ACKR2: variants seen among roughly 807,000 people sequenced by gnomAD.
ACKR2 encodes C-C chemokine receptor D6.
For synonymous variants in ACKR2, 207 were observed against 192.2 expected (o/e 1.08, Z -0.64); for missense variants, 457 against 477.3 (o/e 0.96, Z 0.40).
In ACKR2 at chr3:42,852,375, C is replaced by T. The variant is rs1022274130; in HGVS notation, c.-37-12091C>T. On this transcript the variant is annotated intron_variant, in intron 2 of 2. Coordinates refer to ENST00000422265, the MANE Select transcript of ACKR2 (RefSeq NM_001296.5). This position sits in a 1 kb window ranked among gnomAD's most constrained non-coding sequence, Gnocchi z 4.3. ...TCTGGGAAAGACATGAAAGTCTCAC[C>T]TTCTGCAGCAGCAGCTCCTTGAAGG... 2 of 152,342 alleles carry T rather than the reference C, an allele frequency of 1.3e-5. No individual in the cohort carries two copies. Among genetic ancestry groups the T allele is most frequent in the African/African-American group, 4.8e-5 (2 of 41,582 alleles). 9.4% of individuals were successfully genotyped at this position (152,342 alleles called of 1,614,324 possible).
At chr3:42,856,181 A>G in intron 2 of ACKR2, 2 of 503,662 alleles carry the variant, frequency 4.0e-6, no homozygotes, top group South Asian at 3.3e-5. Context: ...GGCACTGGGT[A>G]AAGTTCCTAA....
At chr3:42,851,288 T>TA in intron 2 of ACKR2, 1 of 902,314 alleles carries the variant, frequency 1.1e-6, no homozygotes, top group Non-Finnish European at 1.3e-6. Context: ...GGATTTTTTT[T>TA]ATTCCAGTTG....
At chr3:42,848,597 C>A (rs1311474748) in intron 2 of ACKR2, among the ~76,000 whole-genome samples, 2 of 151,872 alleles carry the variant, frequency 1.3e-5, no homozygotes, top group African/African-American at 4.8e-5. Context: ...TAGAATATCA[C>A]CATTTGGAAA....
At chr3:42,860,164 CAAAAAAA>C (rs565028940) in intron 2 of ACKR2, among the ~76,000 whole-genome samples, 20 of 8,056 alleles carry the variant, frequency 2.5e-3, no homozygotes, top group East Asian at 8.4e-3. Context: ...AAATGGAAAG[CAAAAAAA>C]AAAAAAAAAA....
chr3:42,811,954 A>G (rs7634876), intron 1 of ACKR2, among the ~76,000 whole-genome samples: 80,301 of 151,930 alleles, frequency 0.53, 21,911 homozygotes, highest in African/African-American at 0.59. Context: ...TCTCCCCATT[A>G]TCACCCTGTT....
intron 2 of ACKR2, among the ~76,000 whole-genome samples, chr3:42,860,176 AAAAAAAAAAAAAAGCAGGGGATGC>A (rs1398707400): frequency 2.1e-5 from 3 of 141,176 alleles, no homozygotes; most frequent in Non-Finnish European, 4.6e-5. Flanking sequence ...AAAAAAAAAA[AAAAAAAAAAAAAAGCAGGGGATGC>A]AATCCTAGTC....
At chr3:42,830,038 T>C (rs1700915104) in intron 2 of ACKR2, among the ~76,000 whole-genome samples, 1 of 152,210 alleles carries the variant, frequency 6.6e-6, no homozygotes, top group Admixed American at 6.5e-5. Flanking sequence ...TAAACAAATA[T>C]TGGGACTTGT....
In ACKR2 at chr3:42,865,585, CA is replaced by C; in HGVS notation, c.1084del (p.Met362Ter). On this transcript the variant is annotated frameshift_variant, in exon 3 of 3. Transcript: ENST00000422265. LOFTEE classifies it low-confidence loss of function (END_TRUNC). Reference protein sequence around the residue: ...ILTAQEEMTGMNDLGERQSEN... With the variant: ...ILTAQEEMTGXNDLGERQSEN... ...TTACTGCCCAAGAGGAAATGACTGGCATGAATGACCTTGGAGAGAGGCAGTC... is the reference window on the plus strand; with the variant it reads ...TTACTGCCCAAGAGGAAATGACTGGCTGAATGACCTTGGAGAGAGGCAGTC... 6.2e-7 allele frequency: 1 copy of C among 1,614,148 alleles called. No homozygotes were observed. Among genetic ancestry groups the C allele is most frequent in the Non-Finnish European group, 8.5e-7 (1 of 1,180,016 alleles).
At position 42,864,985 on chromosome 3, in the gene ACKR2, C is replaced by T; in HGVS notation, c.483C>T (p.Ser161=). The T allele has an allele frequency of 1.2e-6, 2 of 1,614,180 alleles. No homozygotes were observed. The highest frequency in any genetic ancestry group is 1.7e-6 in the Non-Finnish European group (2 of 1,180,020). ...PYHRLRTRAK[S]LLLATIVWAV... ...ACAGGCTGAGGACCCGGGCCAAGAG[C>T]CTGCTCCTTGCTACCATAGTATGGG... The change falls in exon 3 of 3, where the codon AGC becomes AGT. Residue 161 remains serine, a synonymous_variant. Coordinates refer to ENST00000422265, the MANE Select transcript of ACKR2 (RefSeq NM_001296.5).
intron 2 of ACKR2, among the ~76,000 whole-genome samples, chr3:42,851,856 G>T (rs1183062372): frequency 2.0e-5 from 3 of 152,074 alleles, no homozygotes; most frequent in Non-Finnish European, 4.4e-5. Context: ...ACAGCTCTGT[G>T]GTCTCTTCTT....
intron 2 of ACKR2, among the ~76,000 whole-genome samples, chr3:42,860,518 A>T (rs1263406752): frequency 6.6e-6 from 1 of 152,172 alleles, no homozygotes; most frequent in Non-Finnish European, 1.5e-5. Flanking sequence ...ACATCTACAG[A>T]ACTCTCCACC....
intron 1 of ACKR2, among the ~76,000 whole-genome samples, chr3:42,819,260 A>C (rs1394236833): frequency 2.0e-5 from 3 of 152,206 alleles, no homozygotes; most frequent in Non-Finnish European, 4.4e-5. Flanking sequence ...TTAGAAACTC[A>C]TAATTTTATG....
chr3:42,844,930 C>T (rs1701077301), intron 2 of ACKR2, among the ~76,000 whole-genome samples: 1 of 152,154 alleles, frequency 6.6e-6, no homozygotes, highest in African/African-American at 2.4e-5. Context: ...ACATCAGCAT[C>T]CTGCCTCCCT....
intron 2 of ACKR2, among the ~76,000 whole-genome samples, chr3:42,829,597 G>C (rs113453403): frequency 6.6e-6 from 1 of 152,090 alleles, no homozygotes; most frequent in Non-Finnish European, 1.5e-5. Flanking sequence ...TCACTTTTCC[G>C]ATAGGGCCGT....
chr3:42,813,352 AG>A (rs1700714554), intron 1 of ACKR2, among the ~76,000 whole-genome samples: 1 of 152,218 alleles, frequency 6.6e-6, no homozygotes, highest in South Asian at 2.1e-4. Flanking sequence ...AATGCTAGAA[AG>A]AACTACCTGA....
At chr3:42,840,677 C>CT (rs1456724034) in intron 2 of ACKR2, among the ~76,000 whole-genome samples, 4 of 152,030 alleles carry the variant, frequency 2.6e-5, no homozygotes, top group South Asian at 2.1e-4. Context: ...GTGTCTTAAC[C>CT]TTTTTTTTGT....
At chr3:42,829,759 C>T (rs1244162095) in intron 2 of ACKR2, among the ~76,000 whole-genome samples, 7 of 152,096 alleles carry the variant, frequency 4.6e-5, no homozygotes, top group African/African-American at 7.2e-5. Context: ...TGCCATGTGA[C>T]GTAACTCTTT....
chr3:42,847,622 C>T (rs532601140), intron 2 of ACKR2, among the ~76,000 whole-genome samples: 10 of 152,102 alleles, frequency 6.6e-5, no homozygotes, highest in Non-Finnish European at 1.5e-4. Context: ...AACAGTGAGA[C>T]AGAGGATGAG....
At chr3:42,856,084 T>A in intron 2 of ACKR2, 1 of 381,852 alleles carries the variant, frequency 2.6e-6, no homozygotes. Flanking sequence ...GTGCTAGGAG[T>A]GTCCTTACTG....
Sources: allele counts gnomAD v4.1 joint callset (sites outside exome capture counted in the v4.1 genomes callset), GRCh38; gene constraint gnomAD v4.1.1; non-coding constraint Gnocchi (gnomAD v3.1); transcripts MANE v1.5; gene names NCBI Gene and HGNC (gene_info 2026-07-23, HGNC 2026-07-21).